The following CSMD1 variants were observed in gnomAD, a reference collection of about 807,000 sequenced individuals.
CSMD1 encodes the protein CUB and sushi domain-containing protein 1.
In CSMD1, 213 loss-of-function variants were observed where a neutral mutation model predicts 417.5. The observed-to-expected ratio is 0.51, with a 90% CI of 0.46 to 0.57. The LOEUF is 0.57. Among genes scored for constraint, CSMD1 ranks in the 20% least tolerant of loss-of-function variants. The pLI is 0.00. For missense variants in CSMD1, 6,923 were observed against 4,529.7 expected, an observed-to-expected ratio of 1.53 and a Z score of -15.17; for synonymous variants, 2,862 against 1,736.8, an observed-to-expected ratio of 1.65 and a Z score of -16.11.
At chr8:3,169,714 G>T (rs895078207) in intron 37 of CSMD1, among the ~76,000 whole-genome samples, 1 of 131,278 alleles carries the variant, frequency 7.6e-6, no homozygotes, top group Admixed American at 8.1e-5. Flanking sequence ...TCTAGAGCTA[G>T]AAATATAGCA....
At chr8:4,659,082 A>G (rs2130915205) in intron 1 of CSMD1, among the ~76,000 whole-genome samples, 1 of 152,300 alleles carries the variant, frequency 6.6e-6, no homozygotes, top group Non-Finnish European at 1.5e-5. Context: ...CTTCACAAAT[A>G]CATACAAATA....
chr8:4,828,263 C>G (rs1799947579), intron 1 of CSMD1, among the ~76,000 whole-genome samples: 1 of 152,154 alleles, frequency 6.6e-6, no homozygotes, highest in Admixed American at 6.5e-5. Flanking sequence ...GTTCCATGCA[C>G]TTAGTACTTT....
intron 10 of CSMD1, among the ~76,000 whole-genome samples, chr8:3,553,471 T>C (rs1002556988): frequency 1.2e-4 from 18 of 152,164 alleles, no homozygotes; most frequent in Non-Finnish European, 5.9e-5. Flanking sequence ...TGAAAAAAAT[T>C]TGAAGAAGAT....
chr8:3,450,153 G>A (rs1487843391), intron 12 of CSMD1, among the ~76,000 whole-genome samples: 2 of 152,232 alleles, frequency 1.3e-5, no homozygotes, highest in South Asian at 2.1e-4. Context: ...GACGAACGTT[G>A]ACTGTGGGTC....
intron 3 of CSMD1, among the ~76,000 whole-genome samples, chr8:4,089,958 G>T (rs952505176): frequency 1.3e-5 from 2 of 152,128 alleles, no homozygotes; most frequent in East Asian, 1.9e-4. Flanking sequence ...ATACGTTGCT[G>T]ACTTTCAGAT....
At chr8:3,229,947 A>G (rs577651324) in intron 27 of CSMD1, 93 bp downstream of exon 27, 1 of 912,230 alleles carries the variant, frequency 1.1e-6, no homozygotes, top group East Asian at 2.6e-5. Flanking sequence ...CTTGAGAAAT[A>G]TTTCTGAAGA....
At chr8:4,454,487 T>A (rs1374518512) in intron 2 of CSMD1, among the ~76,000 whole-genome samples, 2 of 152,198 alleles carry the variant, frequency 1.3e-5, no homozygotes, top group African/African-American at 4.8e-5. Context: ...TTTGTTCCCC[T>A]AGTCACATAT....
chr8:4,109,931 A>T (rs749187127), intron 3 of CSMD1, among the ~76,000 whole-genome samples: 3 of 152,174 alleles, frequency 2.0e-5, no homozygotes, highest in Non-Finnish European at 2.9e-5. Context: ...AAATGAAATA[A>T]GATCATGACA....
intron 8 of CSMD1, among the ~76,000 whole-genome samples, chr8:3,605,564 GCTT>G (rs1385100592): frequency 3.3e-5 from 5 of 152,250 alleles, no homozygotes; most frequent in Middle Eastern, 3.4e-3. Flanking sequence ...ATTTGTTTCT[GCTT>G]CTTATTATGT....
At chr8:3,859,927 G>C (rs1246255074) in intron 5 of CSMD1, among the ~76,000 whole-genome samples, 2 of 152,138 alleles carry the variant, frequency 1.3e-5, no homozygotes, top group Non-Finnish European at 2.9e-5. Context: ...ATAACCATGA[G>C]TGTAATAGCT....
At chr8:3,075,677 T>A (rs1181392847) in intron 49 of CSMD1, among the ~76,000 whole-genome samples, 1 of 152,134 alleles carries the variant, frequency 6.6e-6, no homozygotes, top group African/African-American at 2.4e-5. Flanking sequence ...GGGTTGCAGC[T>A]TATTTTTTTG....
intron 5 of CSMD1, among the ~76,000 whole-genome samples, chr8:3,802,490 A>T (rs1011852139): frequency 6.6e-6 from 1 of 152,196 alleles, no homozygotes; most frequent in African/African-American, 2.4e-5. Flanking sequence ...CATTCATGTG[A>T]AATTGATGTG....
chr8:3,055,661 AT>A (rs1812165714), intron 49 of CSMD1, among the ~76,000 whole-genome samples: 1 of 152,230 alleles, frequency 6.6e-6, no homozygotes, highest in South Asian at 2.1e-4. Flanking sequence ...ATTTCCTTAC[AT>A]TTGGTATATC....
chr8:4,740,967 T>G (rs1336977728), intron 1 of CSMD1, among the ~76,000 whole-genome samples: 1 of 152,196 alleles, frequency 6.6e-6, no homozygotes, highest in African/African-American at 2.4e-5. Context: ...ACATAATTAT[T>G]TCTTATAATA....
chr8:4,994,572 G>T lies in CSMD1; in HGVS notation c.-156C>A. 3 of 659,748 alleles carry T rather than the reference G, an allele frequency of 4.5e-6. No homozygotes were observed. Among genetic ancestry groups the T allele is most frequent in the Non-Finnish European group, 5.3e-6 (2 of 376,356 alleles). 40.9% of individuals were successfully genotyped at this position (659,748 alleles called of 1,614,324 possible). A position where few individuals can be genotyped will look rare whatever the true frequency, so the allele number is the denominator to read the frequency against. ...CATCCGACGCCTCCTGAAGGTCTGG[G>T]CGCCCGGCTCGCTTCCCTCTCATAG... On this transcript the variant is annotated 5_prime_UTR_variant, in exon 1 of 70. Transcript: ENST00000635120.
At chr8:4,835,794 G>T (rs6992041) in intron 1 of CSMD1, among the ~76,000 whole-genome samples, 90,626 of 151,068 alleles carry the variant, frequency 0.6, 27,954 homozygotes, top group East Asian at 0.95. Context: ...ATTCTCAACA[G>T]TGTTATATCT....
chr8:3,277,406 C>T (rs13255698), intron 26 of CSMD1, among the ~76,000 whole-genome samples: 41,708 of 151,970 alleles, frequency 0.27, 5,943 homozygotes, highest in African/African-American at 0.34. Context: ...CAAGGCAGGG[C>T]AGCTCAGACC....
chr8:4,446,436 T>A (rs533977670), intron 2 of CSMD1, among the ~76,000 whole-genome samples: 1 of 152,114 alleles, frequency 6.6e-6, no homozygotes, highest in East Asian at 1.9e-4. Context: ...TAGTCCCCGC[T>A]ACTCAGGTGG....
At chr8:3,502,658 G>C (rs1303976899) in intron 10 of CSMD1, among the ~76,000 whole-genome samples, 1 of 152,166 alleles carries the variant, frequency 6.6e-6, no homozygotes, top group African/African-American at 2.4e-5. Flanking sequence ...TTTCGGAGAA[G>C]GCAGAACTAT....
Sources: allele counts gnomAD v4.1 joint callset (sites outside exome capture counted in the v4.1 genomes callset), GRCh38; gene constraint gnomAD v4.1.1; transcripts MANE v1.5; gene names NCBI Gene and HGNC (gene_info 2026-07-23, HGNC 2026-07-21).